The following SDK1 variants were observed in gnomAD, a reference collection of about 807,000 sequenced individuals.
SDK1 encodes sidekick cell adhesion molecule 1.
SDK1 carries 157 observed loss-of-function variants against 245.5 expected under a neutral mutation model. That is an observed-to-expected ratio of 0.64 (90% confidence interval 0.56 to 0.73). The LOEUF (loss-of-function observed/expected upper bound fraction) is 0.73, where lower values mean the gene tolerates loss of function less well. Ranked by LOEUF, SDK1 falls within the 30% of genes least tolerant of loss-of-function variation. SDK1 has a pLI of 0.00. For synonymous variants in SDK1, 1,647 were observed against 1,278.5 expected (o/e 1.29, Z -6.15); for missense variants, 3,583 against 3,002.3 (o/e 1.19, Z -4.52).
At chr7:3,455,405 T>C (rs575016904) in intron 1 of SDK1, among the ~76,000 whole-genome samples, 2 of 151,928 alleles carry the variant, frequency 1.3e-5, no homozygotes, top group East Asian at 3.9e-4. Flanking sequence ...CTAAAAGTTC[T>C]ATAGTTTTAA....
At chr7:3,774,482 C>T (rs1462310588) in intron 4 of SDK1, among the ~76,000 whole-genome samples, 1 of 152,210 alleles carries the variant, frequency 6.6e-6, no homozygotes, top group Non-Finnish European at 1.5e-5. Flanking sequence ...TGCCATGGGA[C>T]TGGGGCATGG....
At chr7:4,159,494 T>C (rs1049343774) in intron 31 of SDK1, among the ~76,000 whole-genome samples, 9 of 152,250 alleles carry the variant, frequency 5.9e-5, no homozygotes, top group African/African-American at 2.2e-4. Flanking sequence ...AAAAGCACAC[T>C]TGCCCCTGGA....
At position 4,241,783 on chromosome 7, in the gene SDK1, T is replaced by A; in HGVS notation, c.6131-10T>A. On this transcript the variant is annotated splice_polypyrimidine_tract_variant and intron_variant, in intron 42 of 44. Transcript: ENST00000404826. ...AACACGTCTGTTCTCACTCTCCTGCTGGGCTTTAGGAAAGGGGATCTCCAC... is the reference window on the plus strand; with the variant it reads ...AACACGTCTGTTCTCACTCTCCTGCAGGGCTTTAGGAAAGGGGATCTCCAC... 2 of 1,614,102 alleles carry A rather than the reference T, an allele frequency of 1.2e-6. No individual in the cohort carries two copies. Among genetic ancestry groups the A allele is most frequent in the Non-Finnish European group, 8.5e-7 (1 of 1,180,010 alleles).
chr7:3,693,229 CATT>C (rs2114998179), intron 4 of SDK1, among the ~76,000 whole-genome samples: 1 of 151,970 alleles, frequency 6.6e-6, no homozygotes, highest in East Asian at 1.9e-4. Context: ...TTTTTTTCTT[CATT>C]ATCTCTGTTC....
chr7:4,268,583 C>A lies in SDK1; in HGVS notation c.*3199C>A, dbSNP rs10268227. 65,464 of 1,353,616 alleles carry A rather than the reference C, an allele frequency of 0.048. 5,930 individuals are homozygous for A. Among genetic ancestry groups the A allele is most frequent in the African/African-American group, 0.37 (24,660 of 67,446 alleles). 83.9% of individuals were successfully genotyped at this position (1,353,616 alleles called of 1,614,324 possible). On this transcript the variant is annotated 3_prime_UTR_variant, in exon 45 of 45. Coordinates refer to ENST00000404826, the MANE Select transcript of SDK1 (RefSeq NM_152744.4). ...CTCACTCTGTACAGGTCTTCGGAGG[C>A]CGTGTTTGTATCTAACTGTGACTGG...
chr7:3,386,743 C>T (rs1041611617), intron 1 of SDK1, among the ~76,000 whole-genome samples: 1 of 152,124 alleles, frequency 6.6e-6, no homozygotes, highest in Non-Finnish European at 1.5e-5. Context: ...CAGTGAGTCC[C>T]GGGGACTTGA....
In SDK1 at chr7:3,301,686, G is replaced by GGCC; in HGVS notation, c.103_105dup (p.Arg35dup). ...CGGGCGGCCGCGGGGATCCCCGCCC[G>GGCC]GCCGCGCCCGCCCCTCGCTGGCGCC... On this transcript the variant is annotated inframe_insertion, in exon 1 of 45. Transcript: ENST00000404826. 1 of 972,936 alleles carries GGCC rather than the reference G, an allele frequency of 1.0e-6. No individual in the cohort carries two copies. The highest frequency in any genetic ancestry group is 1.2e-6 in the Non-Finnish European group (1 of 823,346). The allele number at this position is 972,936 out of a possible 1,614,324, so 60.3% of individuals were successfully genotyped here.
intron 26 of SDK1, 79 bp downstream of exon 26, chr7:4,127,575 A>G: frequency 9.8e-7 from 1 of 1,023,962 alleles, no homozygotes; most frequent in South Asian, 1.3e-5. Context: ...CCCCCAAAGC[A>G]ACGAGCTTCC....
chr7:3,433,508 T>C (rs990336316), intron 1 of SDK1, among the ~76,000 whole-genome samples: 1 of 152,116 alleles, frequency 6.6e-6, no homozygotes, highest in African/African-American at 2.4e-5. Flanking sequence ...TGTGTCTGCA[T>C]CTCCTCCTTT....
chr7:3,958,339 G>A (rs994159044), intron 7 of SDK1: 1 of 261,182 alleles, frequency 3.8e-6, no homozygotes, highest in African/African-American at 2.4e-5. Context: ...TTTTTTTTCT[G>A]CGGAACGGGC....
intron 5 of SDK1, among the ~76,000 whole-genome samples, chr7:3,852,993 G>A (rs552823724): frequency 1.3e-5 from 2 of 152,148 alleles, no homozygotes; most frequent in African/African-American, 4.8e-5. Flanking sequence ...GGATAAGGGA[G>A]CATTTGTCAT....
intron 8 of SDK1, among the ~76,000 whole-genome samples, chr7:3,961,640 T>C (rs887238318): frequency 1.3e-5 from 2 of 152,138 alleles, no homozygotes; most frequent in African/African-American, 2.4e-5. Flanking sequence ...TTAACAAGGT[T>C]ACTTAACCTA....
chr7:3,723,406 A>G (rs1419273855), intron 4 of SDK1, among the ~76,000 whole-genome samples: 1 of 152,218 alleles, frequency 6.6e-6, no homozygotes, highest in Non-Finnish European at 1.5e-5. Context: ...AAGGGCTGCT[A>G]CTATATCTTG....
intron 1 of SDK1, among the ~76,000 whole-genome samples, chr7:3,616,542 C>T (rs1781778396): frequency 6.6e-6 from 1 of 152,190 alleles, no homozygotes; most frequent in Non-Finnish European, 1.5e-5. Flanking sequence ...TTGTTCTCAG[C>T]TCCTGCATTT....
At chr7:3,724,907 G>A in intron 4 of SDK1, among the ~76,000 whole-genome samples, 1 of 152,178 alleles carries the variant, frequency 6.6e-6, no homozygotes. Flanking sequence ...CTGGAAAGAG[G>A]GTTGGAAATA....
At chr7:3,901,315 T>C (rs1332545667) in intron 5 of SDK1, among the ~76,000 whole-genome samples, 1 of 151,988 alleles carries the variant, frequency 6.6e-6, no homozygotes, top group African/African-American at 2.4e-5. Flanking sequence ...GCCTCCCGAG[T>C]AGCTGGGACT....
chr7:3,344,579 A>G (rs912330494), intron 1 of SDK1, among the ~76,000 whole-genome samples: 4 of 152,214 alleles, frequency 2.6e-5, no homozygotes, highest in Non-Finnish European at 5.9e-5. Context: ...TGCTCTTGTT[A>G]TCATAAATAG....
At chr7:3,867,731 A>T (rs186058317) in intron 5 of SDK1, among the ~76,000 whole-genome samples, 1 of 152,216 alleles carries the variant, frequency 6.6e-6, no homozygotes, top group Non-Finnish European at 1.5e-5. Context: ...ACAAAGCCAA[A>T]GCACATCACT....
chr7:3,718,567 ATAAATAAATAAATAAATAAATATC>A (rs1326300250), intron 4 of SDK1, among the ~76,000 whole-genome samples: 1 of 134,706 alleles, frequency 7.4e-6, no homozygotes, highest in Non-Finnish European at 1.6e-5. Flanking sequence ...AAATAAATAA[ATAAATAAATAAATAAATAAATATC>A]TAACACTCAT....
Sources: gnomAD v4.1 joint callset for allele counts (sites outside exome capture counted in the v4.1 genomes callset) on GRCh38, gnomAD v4.1.1 for gene constraint, MANE v1.5 for transcripts, NCBI Gene and HGNC (gene_info 2026-07-23, HGNC 2026-07-21) for gene names.